Variants in SLMAP observed in about 807,000 individuals in gnomAD.
SLMAP encodes the protein sarcolemmal membrane-associated protein.
Under a neutral mutation model 128.8 loss-of-function variants are expected in SLMAP, and 44 were observed. That is an observed-to-expected ratio of 0.34 (90% CI 0.27 to 0.44). SLMAP has a LOEUF of 0.44. Ranked by LOEUF, SLMAP falls within the 20% of genes least tolerant of loss-of-function variation. The pLI, the probability that SLMAP is intolerant of heterozygous loss-of-function variation, is 1.00. For missense variants in SLMAP, 787 were observed against 985.3 expected (o/e 0.80, Z 2.69); for synonymous variants, 327 against 348.8 (o/e 0.94, Z 0.70).
intron 5 of SLMAP, 25 bp downstream of exon 5, chr3:57,847,258 C>T: frequency 6.4e-7 from 1 of 1,574,484 alleles, no homozygotes; most frequent in Non-Finnish European, 8.7e-7. Context: ...ATTATTTTTT[C>T]CAAACTGACT....
intron 22 of SLMAP, among the ~76,000 whole-genome samples, chr3:57,922,120 C>G (rs1314273547): frequency 6.6e-6 from 1 of 152,138 alleles, no homozygotes; most frequent in Non-Finnish European, 1.5e-5. Flanking sequence ...ACTTTAATAC[C>G]CAGTAATGCT....
chr3:57,878,478 A>G (rs990712431), intron 14 of SLMAP, among the ~76,000 whole-genome samples: 3 of 152,052 alleles, frequency 2.0e-5, no homozygotes, highest in Admixed American at 2.0e-4. Context: ...TCTGTTTATG[A>G]TGTTTAGAAT....
chr3:57,809,379 G>C (rs1263019754), intron 2 of SLMAP, among the ~76,000 whole-genome samples: 1 of 152,224 alleles, frequency 6.6e-6, no homozygotes, highest in Non-Finnish European at 1.5e-5. Context: ...AGACCAGCCA[G>C]GTGTGCACAC....
At chr3:57,876,766 C>A (rs994316494) in intron 14 of SLMAP, among the ~76,000 whole-genome samples, 3 of 152,178 alleles carry the variant, frequency 2.0e-5, no homozygotes, top group Non-Finnish European at 4.4e-5. Flanking sequence ...TTAACTTGTA[C>A]GCGTGGTGGA....
At chr3:57,829,463 A>G (rs1400691132) in intron 2 of SLMAP, among the ~76,000 whole-genome samples, 2 of 151,800 alleles carry the variant, frequency 1.3e-5, no homozygotes, top group African/African-American at 4.8e-5. Flanking sequence ...TTTCCCAAGA[A>G]TATATTTATT....
At position 57,853,958 on chromosome 3, in the gene SLMAP, TATATATATATATATATA is replaced by T. The variant is rs1560252962; in HGVS notation, c.520-3774_520-3758del. On this transcript the variant is annotated intron_variant, in intron 6 of 24. Coordinates refer to ENST00000671191, the MANE Select transcript of SLMAP (RefSeq NM_001377540.1). The stretch of plus-strand genomic sequence containing the variant: ...TTCTGTCTCAAAAAAAAAAAAATTA[TATATATATATATATATA>T]TATATATATATATATATATATATAT... Among the ~76,000 whole-genome samples, 172 of 51,848 alleles carry T rather than the reference TATATATATATATATATA, an allele frequency of 3.3e-3. 6 individuals are homozygous for T. The highest frequency in any genetic ancestry group is 0.011 in the African/African-American group (143 of 12,828). 34.0% of individuals were successfully genotyped at this position (51,848 alleles called of 152,430 possible). A position where few individuals can be genotyped will look rare whatever the true frequency, so the allele number is the denominator to read the frequency against.
intron 10 of SLMAP, among the ~76,000 whole-genome samples, chr3:57,863,289 A>C (rs964580096): frequency 6.6e-6 from 1 of 152,202 alleles, no homozygotes; most frequent in African/African-American, 2.4e-5. Flanking sequence ...CTGAGGAAAA[A>C]AAAAATCTTA....
intron 2 of SLMAP, among the ~76,000 whole-genome samples, chr3:57,758,348 T>C (rs2077977998): frequency 6.6e-6 from 1 of 152,254 alleles, no homozygotes; most frequent in East Asian, 1.9e-4. Flanking sequence ...CCTAAGATTT[T>C]TGAAAGGTTT....
At chr3:57,924,654 A>T (rs2096970965) in intron 23 of SLMAP, among the ~76,000 whole-genome samples, 1 of 152,126 alleles carries the variant, frequency 6.6e-6, no homozygotes. Context: ...GGTGTGAGCC[A>T]CCGTGTCCAG....
intron 2 of SLMAP, among the ~76,000 whole-genome samples, chr3:57,803,674 C>G (rs894000657): frequency 1.3e-5 from 2 of 152,204 alleles, no homozygotes; most frequent in African/African-American, 2.4e-5. Flanking sequence ...TCTCCACTCT[C>G]TTTTTGTCTG....
chr3:57,813,142 C>T (rs2091290611), intron 2 of SLMAP, among the ~76,000 whole-genome samples: 1 of 145,352 alleles, frequency 6.9e-6, no homozygotes, highest in Admixed American at 7.0e-5. Flanking sequence ...GTTGCCCAGG[C>T]TGGAGCGCAG....
At chr3:57,819,476 A>G (rs1322947161) in intron 2 of SLMAP, among the ~76,000 whole-genome samples, 1 of 152,112 alleles carries the variant, frequency 6.6e-6, no homozygotes, top group Non-Finnish European at 1.5e-5. Context: ...GTGTGTGGGC[A>G]GGTTTTTCCC....
rs145089445 is a variant in SLMAP at position 57,855,275 on chromosome 3, G to A, written c.520-2458G>A. On this transcript the variant is annotated intron_variant, in intron 6 of 24. Coordinates refer to ENST00000671191, the MANE Select transcript of SLMAP (RefSeq NM_001377540.1). ...TGCCTGTAGTCCCAGCTACTCGGGAGGCTGAGGTACCAGAATTGCTTGAAC... is the reference window on the plus strand; with the variant it reads ...TGCCTGTAGTCCCAGCTACTCGGGAAGCTGAGGTACCAGAATTGCTTGAAC... Among the ~76,000 whole-genome samples, 1,105 of 152,090 alleles carry A rather than the reference G, an allele frequency of 7.3e-3. 7 individuals are homozygous for A. Among genetic ancestry groups the A allele is most frequent in the Non-Finnish European group, 8.6e-3 (583 of 67,990 alleles).
intron 14 of SLMAP, among the ~76,000 whole-genome samples, chr3:57,885,436 TTGAGACA>T (rs2095855555): frequency 2.0e-5 from 3 of 149,370 alleles, no homozygotes; most frequent in Non-Finnish European, 4.4e-5. Context: ...TTTTTTTTTT[TTGAGACA>T]GAGTCTTGTT....
intron 4 of SLMAP, 66 bp downstream of exon 4, chr3:57,841,437 A>G: frequency 8.1e-6 from 7 of 868,710 alleles, no homozygotes; most frequent in Non-Finnish European, 3.7e-6. Flanking sequence ...TAGTAATAAT[A>G]TTCTAGGTGA....
At chr3:57,848,657 T>C (rs529882025) in intron 5 of SLMAP, among the ~76,000 whole-genome samples, 1 of 149,092 alleles carries the variant, frequency 6.7e-6, no homozygotes, top group East Asian at 2.0e-4. Context: ...CTCCTCCTCC[T>C]TCCTTCTTCT....
intron 10 of SLMAP, 27 bp from the exon 11 acceptor site, chr3:57,864,521 A>G: frequency 6.6e-6 from 10 of 1,522,124 alleles, no homozygotes; most frequent in Non-Finnish European, 8.8e-6. Context: ...AGGTTTGTTA[A>G]ATAACTGAAT....
At chr3:57,759,272 C>G (rs543336995) in intron 2 of SLMAP, among the ~76,000 whole-genome samples, 1 of 151,090 alleles carries the variant, frequency 6.6e-6, no homozygotes, top group African/African-American at 2.5e-5. Context: ...ATAGATTACT[C>G]GTAATCCTTT....
intron 3 of SLMAP, among the ~76,000 whole-genome samples, chr3:57,833,601 G>T (rs2093466489): frequency 6.6e-6 from 1 of 151,840 alleles, no homozygotes; most frequent in African/African-American, 2.4e-5. Flanking sequence ...TGTATTTCTA[G>T]TAGAGACGGG....
Sources: gnomAD v4.1 joint callset for allele counts (sites outside exome capture counted in the v4.1 genomes callset) on GRCh38, gnomAD v4.1.1 for gene constraint, MANE v1.5 for transcripts, NCBI Gene and HGNC (gene_info 2026-07-23, HGNC 2026-07-21) for gene names.